SLX4: variants seen among roughly 807,000 people sequenced by gnomAD.
SLX4 encodes the protein structure-specific endonuclease subunit SLX4.
In SLX4, 112 loss-of-function variants were observed where a neutral mutation model predicts 146.2. The ratio of observed to expected loss-of-function variants is 0.77; its 90% CI spans 0.66 to 0.90. The LOEUF (loss-of-function observed/expected upper bound fraction) is 0.90, where lower values mean the gene tolerates loss of function less well. Ranked by LOEUF, SLX4 falls within the 40% of genes least tolerant of loss-of-function variation. SLX4 has a pLI of 0.00. For synonymous variants in SLX4, 1,061 were observed against 997.7 expected, an observed-to-expected ratio of 1.06 and a Z score of -1.20; for missense variants, 2,563 against 2,392.7, an observed-to-expected ratio of 1.07 and a Z score of -1.49.
At chr16:3,609,980 TA>T (rs2040834153) in intron 1 of SLX4, among the ~76,000 whole-genome samples, 1 of 152,180 alleles carries the variant, frequency 6.6e-6, no homozygotes, top group Non-Finnish European at 1.5e-5. Flanking sequence ...AAAGAGACAT[TA>T]TATTCTCATG....
chr16:3,598,473 T>C (rs1245192899), intron 5 of SLX4, among the ~76,000 whole-genome samples: 1 of 152,220 alleles, frequency 6.6e-6, no homozygotes, highest in East Asian at 1.9e-4. Context: ...AAGGAAGGGC[T>C]TCCCAGCTTA....
intron 3 of SLX4, among the ~76,000 whole-genome samples, 153 bp from the exon 4 acceptor site, chr16:3,602,460 A>ACT (rs2040738888): frequency 6.6e-6 from 1 of 152,238 alleles, no homozygotes; most frequent in African/African-American, 2.4e-5. Flanking sequence ...TGACTTGGAC[A>ACT]CTGTCCAGTG....
chr16:3,596,493 T>G, intron 7 of SLX4, 100 bp from the exon 8 acceptor site: 1 of 1,380,920 alleles, frequency 7.2e-7, no homozygotes, highest in East Asian at 2.5e-5. Flanking sequence ...GACCTAAAAC[T>G]ACAGAGCAGG....
intron 3 of SLX4, among the ~76,000 whole-genome samples, chr16:3,602,527 T>C (rs1439635598): frequency 6.6e-6 from 1 of 152,216 alleles, no homozygotes; most frequent in African/African-American, 2.4e-5. Context: ...AACATGGATA[T>C]GCATTACCTG....
Position 3,609,380 on chromosome 16 carries a change from C to T in SLX4, c.-416G>A, listed in dbSNP as rs528320603. On this transcript the variant is annotated 5_prime_UTR_variant, in exon 2 of 15. Coordinates refer to ENST00000294008, the MANE Select transcript of SLX4 (RefSeq NM_032444.4). ...CCGAGATCGTGCCACTGCACTCTAA[C>T]CTGGGCAACAAGAGCAAAACTCTGT... is the stretch of plus-strand genomic sequence containing the variant. 2.7e-4 allele frequency: 49 copies of T among 180,376 alleles called. No homozygotes were observed. The highest frequency in any genetic ancestry group is 5.5e-3 in the Middle Eastern group (2 of 364). 11.2% of individuals were successfully genotyped at this position (180,376 alleles called of 1,614,324 possible).
At chr16:3,601,223 C>G in intron 4 of SLX4, 32 bp from the exon 5 acceptor site, 1 of 1,610,058 alleles carries the variant, frequency 6.2e-7, no homozygotes, top group Non-Finnish European at 8.5e-7. Flanking sequence ...AGGAGAACCA[C>G]CCTCCCCAGG....
rs1161838855 is a variant in SLX4 at position 3,582,348 on chromosome 16, C to T, written c.5499G>A (p.Arg1833=). The stretch of plus-strand genomic sequence containing the variant: ...TGGGGTCGGGATGGCCCCATCAGTT[C>T]CGCTCCACCTTCTTCTTGCCCCGAG... ...RQPRGKKKVE[R]N The change falls in exon 15 of 15, where the codon CGG becomes CGA. Residue 1833 remains arginine (R), a synonymous_variant. Coordinates refer to ENST00000294008, the MANE Select transcript of SLX4 (RefSeq NM_032444.4). 6.2e-6 allele frequency: 10 copies of T among 1,611,168 alleles called. No homozygotes were observed. Among genetic ancestry groups the T allele is most frequent in the Non-Finnish European group, 8.5e-6 (10 of 1,179,994 alleles).
In SLX4 at chr16:3,589,838, C is replaced by T. The variant is rs775711964; in HGVS notation, c.3800G>A (p.Arg1267His). The T allele has an allele frequency of 6.8e-6, 11 of 1,613,282 alleles. No individual in the cohort carries two copies. Among genetic ancestry groups the T allele is most frequent in the Admixed American group, 5.0e-5 (3 of 59,994 alleles). The change falls in exon 12 of 15, where the codon CGT becomes CAT. Residue 1267 changes from arginine to histidine, a missense_variant. Coordinates refer to ENST00000294008, the MANE Select transcript of SLX4 (RefSeq NM_032444.4). This position sits in a 1 kb window ranked among gnomAD's most constrained non-coding sequence, Gnocchi z 6.2. ...VPATPLASRSRDCSSQTQISS... is the reference protein window; with the variant it reads ...VPATPLASRSHDCSSQTQISS... ...GATTTGGGTCTGGGAAGAACAGTCA[C>T]GGCTTCTGCTGGCCAGCGGGGTGGC...
At chr16:3,604,348 GA>G (rs779713051) in intron 3 of SLX4, among the ~76,000 whole-genome samples, 5 of 151,460 alleles carry the variant, frequency 3.3e-5, no homozygotes, top group Non-Finnish European at 5.9e-5. Context: ...TCCTTGTTCA[GA>G]AAAAAAAGAA....
At chr16:3,603,259 T>C (rs2040747691) in intron 3 of SLX4, among the ~76,000 whole-genome samples, 1 of 152,222 alleles carries the variant, frequency 6.6e-6, no homozygotes, top group African/African-American at 2.4e-5. Context: ...GCCAGGGTGG[T>C]CCTGAATTCC....
chr16:3,583,601 C>T (rs1338349984), intron 13 of SLX4, 91 bp from the exon 14 acceptor site: 2 of 1,411,324 alleles, frequency 1.4e-6, no homozygotes, highest in Non-Finnish European at 2.0e-6. Flanking sequence ...ATACCCAATG[C>T]ATTCAGCGAA....
intron 7 of SLX4, 84 bp from the exon 8 acceptor site, chr16:3,596,477 C>T (rs556232602): frequency 6.2e-6 from 9 of 1,447,760 alleles, no homozygotes; most frequent in East Asian, 4.8e-5. Context: ...GTGGTATGCA[C>T]GGCTGGACCT....
chr16:3,584,794 G>C lies in SLX4; in HGVS notation c.4714C>G (p.Pro1572Ala), dbSNP rs753904877. Reference sequence around the variant, plus strand: ...CTATCCAGTTCCTTCTTCAGCACCGGCGTCTCCATAATGGAATACTGTGGC... The same window carrying C: ...CTATCCAGTTCCTTCTTCAGCACCGCCGTCTCCATAATGGAATACTGTGGC... The part of the protein sequence containing the change: ...PMPQYSIMET[P>A]VLKKELDRFG... Residue 1572 changes from proline (P) to alanine (A), a missense_variant, in exon 13 of 15, where the codon CCG (proline) becomes GCG (alanine). By Grantham distance (27) the Pro-to-Ala change is conservative. Coordinates refer to ENST00000294008, the MANE Select transcript of SLX4 (RefSeq NM_032444.4). 2 of 1,613,916 alleles carry C rather than the reference G, an allele frequency of 1.2e-6. No homozygotes were observed. The highest frequency in any genetic ancestry group is 2.7e-5 in the African/African-American group (2 of 74,916).
intron 3 of SLX4, among the ~76,000 whole-genome samples, chr16:3,605,209 C>T (rs1485886242): frequency 6.6e-6 from 1 of 152,140 alleles, no homozygotes; most frequent in Non-Finnish European, 1.5e-5. Flanking sequence ...CCTGCCTCAG[C>T]CTCCCGAGTA....
intron 12 of SLX4, among the ~76,000 whole-genome samples, chr16:3,585,454 C>T (rs562220320): frequency 1.1e-4 from 16 of 151,902 alleles, no homozygotes; most frequent in East Asian, 5.8e-4. Flanking sequence ...GGCGTGGTGG[C>T]GGGCGCCTGT....
chr16:3,603,944 A>T (rs2040756172), intron 3 of SLX4, among the ~76,000 whole-genome samples: 1 of 152,212 alleles, frequency 6.6e-6, no homozygotes, highest in African/African-American at 2.4e-5. Flanking sequence ...ACTCAGTGTC[A>T]TAGGGCTGGG....
Position 3,582,424 on chromosome 16 carries a change from A to C in SLX4, c.5423T>G (p.Phe1808Cys), listed in dbSNP as rs371390105. 25 of 1,613,762 alleles carry C rather than the reference A, an allele frequency of 1.5e-5. No homozygotes were observed. The highest frequency in any genetic ancestry group is 1.9e-5 in the Non-Finnish European group (23 of 1,180,026). Residue 1808 changes from phenylalanine to cysteine, a missense_variant, in exon 15 of 15, where the codon TTC becomes TGC. Physicochemically the swap from Phe to Cys is radical, Grantham distance 205 (BLOSUM62 -2). Transcript: ENST00000294008. ...LDFLDTHCIT[F>C]TTAATRREKL... The stretch of plus-strand genomic sequence containing the variant: ...CTCCCTGCGGGTGGCGGCAGTGGTG[A>C]AGGTGATACAGTGGGTGTCCAGGAA...
rs758325880 is a variant in SLX4, at chr16:3,588,964, A to G, written c.4636+38T>C. On this transcript the variant is annotated intron_variant, in intron 12 of 14. Coordinates refer to ENST00000294008, the MANE Select transcript of SLX4 (RefSeq NM_032444.4). ...CACCCTCTTAGTGTAAAATAGTAAC[A>G]AAGACAGTCCCCTTCCCCAGCTCTC... 4.3e-6 allele frequency: 7 copies of G among 1,612,770 alleles called. No homozygotes were observed. In the East Asian group the frequency reaches 1.6e-4, roughly 36 times the overall value.
rs1596514559 is a variant in SLX4 at position 3,582,522 on chromosome 16, G to A, written c.5325C>T (p.Pro1775=). 3 of 1,614,036 alleles carry A rather than the reference G, an allele frequency of 1.9e-6. No individual in the cohort carries two copies. The Admixed American group carries it at 5.0e-5, about 27-fold the overall frequency. ...CTGCCTGCAGCTCCCGCAGCTCAAA[G>A]GGCTGGTACAGCAGCACCTTCTGGT... ...ALYQKVLLYQ[P]FELRELQAEL... is the part of the protein sequence containing the mutation. Residue 1775 remains proline, a synonymous_variant, in exon 15 of 15, where the codon CCC becomes CCT. Coordinates refer to ENST00000294008, the MANE Select transcript of SLX4 (RefSeq NM_032444.4).
Sources: allele counts gnomAD v4.1 joint callset (sites outside exome capture counted in the v4.1 genomes callset), GRCh38; gene constraint gnomAD v4.1.1; non-coding constraint Gnocchi (gnomAD v3.1); transcripts MANE v1.5; gene names NCBI Gene and HGNC (gene_info 2026-07-23, HGNC 2026-07-21).